ALDH1A3: variants seen among roughly 807,000 people sequenced by gnomAD.
ALDH1A3 encodes the protein aldehyde dehydrogenase 1 family member A3.
Under a neutral mutation model 57.5 loss-of-function variants are expected in ALDH1A3, and 28 were observed. The observed-to-expected ratio is 0.49, with a 90% CI of 0.36 to 0.67. The LOEUF is 0.67. Ranked by LOEUF, ALDH1A3 falls within the 30% of genes least tolerant of loss-of-function variation. ALDH1A3 has a pLI of 0.00. For synonymous variants in ALDH1A3, 281 were observed against 264.8 expected (o/e 1.06, Z -0.59); for missense variants, 507 against 669.4 (o/e 0.76, Z 2.68).
rs915191661 is a variant in ALDH1A3 at position 100,900,765 on chromosome 15, C to G, written c.1068+6C>G. On this transcript the variant is annotated splice_donor_region_variant and intron_variant, in intron 9 of 12. Transcript: ENST00000329841. The stretch of plus-strand genomic sequence containing the variant: ...AAACAGAACAGGGGCCTCAGGTAAT[C>G]CCCCTGGTGTGTGTGAAACCATGGT... The G allele has an allele frequency of 6.8e-6, 11 of 1,613,022 alleles. No individual in the cohort carries two copies. The highest frequency in any genetic ancestry group is 9.3e-6 in the Non-Finnish European group (11 of 1,179,570).
chr15:100,900,234 A>G lies in ALDH1A3; in HGVS notation c.884-341A>G, dbSNP rs565273731. 1.7e-3 allele frequency among the ~76,000 whole-genome samples: 255 copies of G among 152,348 alleles called. 3 individuals are homozygous for G. The highest frequency in any genetic ancestry group is 5.9e-3 in the African/African-American group (247 of 41,574). On this transcript the variant is annotated intron_variant, in intron 8 of 12. Transcript: ENST00000329841. ...ATTACCGAAGTTTATTCTATAAAACATTAGTCCTCTAGAAAAAGGGGAGGG... is the reference window on the plus strand; with the variant it reads ...ATTACCGAAGTTTATTCTATAAAACGTTAGTCCTCTAGAAAAAGGGGAGGG...
At chr15:100,901,144 A>C (rs1384966336) in intron 9 of ALDH1A3, among the ~76,000 whole-genome samples, 2 of 152,204 alleles carry the variant, frequency 1.3e-5, no homozygotes, top group African/African-American at 2.4e-5. Flanking sequence ...GGGTTACAGG[A>C]CAAGGTGAAC....
chr15:100,895,881 C>T (rs1233616626), intron 6 of ALDH1A3, 52 bp from the exon 7 acceptor site: 8 of 1,470,566 alleles, frequency 5.4e-6, no homozygotes, highest in South Asian at 2.4e-5. Flanking sequence ...AATGTGGATC[C>T]GTGGTGGATG....
Position 100,893,776 on chromosome 15 carries a change from C to A in ALDH1A3, c.538-178C>A. The A allele has an allele frequency of 1.4e-6, 1 of 734,506 alleles. No homozygotes were observed. The highest frequency in any genetic ancestry group is 2.1e-6 in the Non-Finnish European group (1 of 469,934). The allele number at this position is 734,506 out of a possible 1,614,324, so 45.5% of individuals were successfully genotyped here. A position where few individuals can be genotyped will look rare whatever the true frequency, so the allele number is the denominator to read the frequency against. On this transcript the variant is annotated intron_variant, in intron 5 of 12. Transcript: ENST00000329841. This position sits in a 1 kb window ranked among gnomAD's most constrained non-coding sequence, Gnocchi z 4.8. ...CTGCCTATTAGTACCACCCAGAATG[C>A]AGTTTAGGAAGTGCTGTGCAGGATT...
At position 100,905,545 on chromosome 15, in the gene ALDH1A3, A is replaced by G; in HGVS notation, c.1091A>G (p.Lys364Arg). ...CAGATTGATCAAAAGCAGTTCGACA[A>G]AATCTTAGAGCTGATCGAGAGTGGG... Reference protein sequence around the residue: ...GPQIDQKQFDKILELIESGKK... With the variant: ...GPQIDQKQFDRILELIESGKK... The change falls in exon 10 of 13, where the codon AAA (lysine) becomes AGA (arginine). Residue 364 changes from lysine (K) to arginine (R), a missense_variant. Physicochemically the swap from Lys to Arg is conservative, Grantham distance 26. Coordinates refer to ENST00000329841, the MANE Select transcript of ALDH1A3 (RefSeq NM_000693.4). 6.2e-7 allele frequency: 1 copy of G among 1,614,206 alleles called. No homozygotes were observed. The highest frequency in any genetic ancestry group is 8.5e-7 in the Non-Finnish European group (1 of 1,180,026).
intron 12 of ALDH1A3, among the ~76,000 whole-genome samples, chr15:100,909,705 G>T (rs749945789): frequency 6.6e-6 from 1 of 152,126 alleles, no homozygotes; most frequent in African/African-American, 2.4e-5. Flanking sequence ...AACTTCTTGC[G>T]TCTGGCCCAC....
In ALDH1A3 at chr15:100,879,943, G is replaced by C; in HGVS notation, c.36G>C (p.Gln12His). ...ATANGAVENGQPDRKPPALPR... is the reference protein window; with the variant it reads ...ATANGAVENGHPDRKPPALPR... ...CTAACGGGGCCGTGGAAAACGGGCA[G>C]CCGGACAGGAAGCCGCCGGCCCTGC... The change falls in exon 1 of 13, where the codon CAG (glutamine) becomes CAC (histidine). Residue 12 changes from glutamine to histidine, a missense_variant. By Grantham distance (24) the Gln-to-His change is conservative (BLOSUM62 0). This residue lies in a region of ALDH1A3 where 75 missense variants were observed against 61.0 expected (regional missense o/e 1.23). Transcript: ENST00000329841. The C allele has an allele frequency of 6.8e-7, 1 of 1,471,342 alleles. No homozygotes were observed. The highest frequency in any genetic ancestry group is 9.0e-7 in the Non-Finnish European group (1 of 1,110,040). The allele number at this position is 1,471,342 out of a possible 1,614,324, so 91.1% of individuals were successfully genotyped here.
rs554255270 is a variant in ALDH1A3, at chr15:100,887,853, C to G, written c.345+141C>G. 2.0e-4 allele frequency: 212 copies of G among 1,053,744 alleles called. 2 individuals are homozygous for G. In the African/African-American group the frequency reaches 2.9e-3, roughly 15 times the overall value. The allele number at this position is 1,053,744 out of a possible 1,614,324, so 65.3% of individuals were successfully genotyped here. ...GTTCCATCCTCTGAGACACGGCTCT[C>G]TGGCAATACTTGCAGGTGTTAATGC... On this transcript the variant is annotated intron_variant, in intron 3 of 12. Coordinates refer to ENST00000329841, the MANE Select transcript of ALDH1A3 (RefSeq NM_000693.4). The surrounding 1 kb of genome is among the most constrained non-coding windows in gnomAD (Gnocchi z 4.6).
Position 100,893,215 on chromosome 15 carries a change from C to T in ALDH1A3, c.537+209C>T, listed in dbSNP as rs2041668787. 3 of 458,144 alleles carry T rather than the reference C, an allele frequency of 6.5e-6. No individual in the cohort carries two copies. The East Asian group carries it at 9.7e-5, about 15-fold the overall frequency. 28.4% of individuals were successfully genotyped at this position (458,144 alleles called of 1,614,324 possible). On this transcript the variant is annotated intron_variant, in intron 5 of 12. Transcript: ENST00000329841. This position sits in a 1 kb window ranked among gnomAD's most constrained non-coding sequence, Gnocchi z 4.8. ...CCTAAGACCGGCTTTAGGCATGCCACAGAAAGCACTGTGGTTCCCAGCCAG... is the reference window on the plus strand; with the variant it reads ...CCTAAGACCGGCTTTAGGCATGCCATAGAAAGCACTGTGGTTCCCAGCCAG...
chr15:100,912,661 C>T (rs2041891849), intron 12 of ALDH1A3, among the ~76,000 whole-genome samples: 3 of 152,158 alleles, frequency 2.0e-5, no homozygotes, highest in Admixed American at 2.0e-4. Context: ...TGGCACCTAC[C>T]ATTCATTTTC....
chr15:100,912,516 C>G (rs1405979664), intron 12 of ALDH1A3, among the ~76,000 whole-genome samples: 1 of 152,056 alleles, frequency 6.6e-6, no homozygotes, highest in African/African-American at 2.4e-5. Flanking sequence ...AGTCTCTGCT[C>G]TACAAAAATA....
In ALDH1A3 at chr15:100,887,649, G is replaced by T. The variant is rs1209646370; in HGVS notation, c.282G>T (p.Leu94=). The part of the protein sequence containing the change: ...RGSPWRRLDA[L]SRGRLLHQLA... The stretch of plus-strand genomic sequence containing the variant: ...CGCCATGGCGCCGGCTGGATGCCCT[G>T]AGTCGTGGGCGGCTGCTGCACCAGC... Residue 94 remains leucine (L), a synonymous_variant, in exon 3 of 13, where the codon CTG becomes CTT. Transcript: ENST00000329841. The surrounding 1 kb of genome is among the most constrained non-coding windows in gnomAD (Gnocchi z 4.6). 1.9e-6 allele frequency: 3 copies of T among 1,611,972 alleles called. No individual in the cohort carries two copies. The highest frequency in any genetic ancestry group is 2.5e-6 in the Non-Finnish European group (3 of 1,179,078).
Position 100,893,046 on chromosome 15 carries a change from C to T in ALDH1A3, c.537+40C>T. 1 of 1,562,408 alleles carries T rather than the reference C, an allele frequency of 6.4e-7. No homozygotes were observed. The highest frequency in any genetic ancestry group is 2.2e-5 in the East Asian group (1 of 44,554). On this transcript the variant is annotated intron_variant, in intron 5 of 12. Transcript: ENST00000329841. This position sits in a 1 kb window ranked among gnomAD's most constrained non-coding sequence, Gnocchi z 4.8. ...CTTTCTCAGTAGATTCTATGTAGAT[C>T]CTGCCCCACTGCCCTGTGTCCTTTG... is the stretch of plus-strand genomic sequence containing the variant.
At chr15:100,886,274 G>T (rs1250377453) in intron 2 of ALDH1A3, among the ~76,000 whole-genome samples, 2 of 152,216 alleles carry the variant, frequency 1.3e-5, no homozygotes, top group African/African-American at 4.8e-5. Flanking sequence ...GTGGCACAGA[G>T]GAGCTCATAG....
rs1314452306 is a variant in ALDH1A3, at chr15:100,883,920, A to G, written c.100-1347A>G. ...AATGAATCAATTTCACAATAATTGA[A>G]ATTAGCCCTTGAGGGACGCAATTCT... On this transcript the variant is annotated intron_variant, in intron 1 of 12. Coordinates refer to ENST00000329841, the MANE Select transcript of ALDH1A3 (RefSeq NM_000693.4). 2.6e-5 allele frequency among the ~76,000 whole-genome samples: 4 copies of G among 152,350 alleles called. No homozygotes were observed. The East Asian group carries it at 7.7e-4, about 29-fold the overall frequency.
chr15:100,892,689 C>A (rs930263239), intron 4 of ALDH1A3, 50 bp downstream of exon 4: 3 of 1,553,688 alleles, frequency 1.9e-6, no homozygotes, highest in South Asian at 1.2e-5. Context: ...GGGGCTATAT[C>A]TTTTCATTAA....
intron 7 of ALDH1A3, among the ~76,000 whole-genome samples, chr15:100,896,528 A>G (rs2041705828): frequency 6.6e-6 from 1 of 152,220 alleles, no homozygotes; most frequent in Admixed American, 6.5e-5. Flanking sequence ...TGCAAATTCA[A>G]ACAAAATCAG....
chr15:100,901,194 G>A (rs4646677), intron 9 of ALDH1A3, among the ~76,000 whole-genome samples: 14,327 of 152,244 alleles, frequency 0.094, 1,351 homozygotes, highest in African/African-American at 0.24. Context: ...AGAGCCTGGG[G>A]CAGGAGAATG....
intron 1 of ALDH1A3, among the ~76,000 whole-genome samples, chr15:100,883,955 C>T (rs1340005811): frequency 6.6e-6 from 1 of 152,174 alleles, no homozygotes; most frequent in East Asian, 1.9e-4. Flanking sequence ...TTCCTTTAAA[C>T]AATTCAAAAA....
Sources: gnomAD v4.1 joint callset for allele counts (sites outside exome capture counted in the v4.1 genomes callset) on GRCh38, gnomAD v4.1.1 for gene constraint, gnomAD v4.1.1 regional missense constraint, Gnocchi (gnomAD v3.1) non-coding constraint, MANE v1.5 for transcripts, NCBI Gene and HGNC (gene_info 2026-07-23, HGNC 2026-07-21) for gene names.